Variants in ITPR1 observed in about 807,000 individuals in gnomAD.
ITPR1 encodes inositol 1,4,5-trisphosphate-gated calcium channel ITPR1.
Under a neutral mutation model 318.4 loss-of-function variants are expected in ITPR1, and 96 were observed. That is an observed-to-expected ratio of 0.30 (90% confidence interval 0.26 to 0.36). ITPR1 has a LOEUF of 0.36. Ranked by LOEUF, ITPR1 falls within the 10% of genes least tolerant of loss-of-function variation. ITPR1 has a pLI of 1.00. For missense variants in ITPR1, 2,440 were observed against 3,460.2 expected, an observed-to-expected ratio of 0.71 and a Z score of 7.40; for synonymous variants, 1,312 against 1,289.9, an observed-to-expected ratio of 1.02 and a Z score of -0.37.
At chr3:4,667,628 G>A (rs1177874746) in intron 18 of ITPR1, 79 bp downstream of exon 18, 15 of 1,363,832 alleles carry the variant, frequency 1.1e-5, no homozygotes, top group African/African-American at 5.8e-5. Context: ...TTTTTACTAC[G>A]TTTCCTTGTG....
intron 40 of ITPR1, among the ~76,000 whole-genome samples, chr3:4,725,303 A>G (rs1188420042): frequency 6.6e-6 from 1 of 151,462 alleles, no homozygotes; most frequent in East Asian, 1.9e-4. Context: ...TTTCTTTCTT[A>G]TCTTAAATGT....
At position 4,733,144 on chromosome 3, in the gene ITPR1, G is replaced by C. The variant is rs368425885; in HGVS notation, c.5277G>C (p.Ser1759=). ...GTTACTATGGAAACGTCAGACCTTC[G>C]GGACGAAGAGAGAGCCTTACCAGCT... ...VNRYYGNVRP[S]GRRESLTSFG... The change falls in exon 43 of 62, where the codon TCG becomes TCC. Residue 1759 remains serine (S), a synonymous_variant. Coordinates refer to ENST00000649015, the MANE Select transcript of ITPR1 (RefSeq NM_001378452.1). 7.4e-6 allele frequency: 12 copies of C among 1,613,758 alleles called. No individual in the cohort carries two copies. The East Asian group carries it at 1.3e-4, about 18-fold the overall frequency.
At chr3:4,585,172 C>A (rs2089763929) in intron 4 of ITPR1, among the ~76,000 whole-genome samples, 1 of 152,138 alleles carries the variant, frequency 6.6e-6, no homozygotes, top group South Asian at 2.1e-4. Context: ...AAATAGCTAG[C>A]AAATTTGTGA....
intron 59 of ITPR1, among the ~76,000 whole-genome samples, chr3:4,817,703 T>G (rs1294374584): frequency 6.6e-6 from 1 of 152,246 alleles, no homozygotes; most frequent in Non-Finnish European, 1.5e-5. Flanking sequence ...GGCATTTACC[T>G]GGGCGAAGGG....
At chr3:4,603,049 A>G (rs2091418165) in intron 4 of ITPR1, among the ~76,000 whole-genome samples, 1 of 152,112 alleles carries the variant, frequency 6.6e-6, no homozygotes, top group South Asian at 2.1e-4. Context: ...TACTGGTAAC[A>G]AAATATATGC....
At chr3:4,774,403 A>G (rs1575199748) in intron 46 of ITPR1, among the ~76,000 whole-genome samples, 1 of 152,264 alleles carries the variant, frequency 6.6e-6, no homozygotes, top group Non-Finnish European at 1.5e-5. Context: ...GTCAAAGATC[A>G]TGTCCATTTA....
At chr3:4,714,033 A>G (rs1227885429) in intron 39 of ITPR1, among the ~76,000 whole-genome samples, 1 of 152,180 alleles carries the variant, frequency 6.6e-6, no homozygotes, top group East Asian at 1.9e-4. Flanking sequence ...AAAGAGAGAG[A>G]AGGAGAACAA....
chr3:4,580,788 A>G (rs1391415649), intron 4 of ITPR1, among the ~76,000 whole-genome samples: 1 of 152,220 alleles, frequency 6.6e-6, no homozygotes, highest in Admixed American at 6.5e-5. Flanking sequence ...CAAACCTGCC[A>G]GTCACTGAAT....
rs181026640 is a variant in ITPR1, at chr3:4,585,197, A to G, written c.164-42566A>G. Among the ~76,000 whole-genome samples, 199 of 152,346 alleles carry G rather than the reference A, an allele frequency of 1.3e-3. 1 individual carries two copies. The highest frequency in any genetic ancestry group is 2.3e-3 in the Non-Finnish European group (158 of 68,038). Reference sequence around the variant, plus strand: ...CAAATTTGTGAAAATTCAAAGCAATATGCTAGGTATGTTATGAACCTATTT... The same window carrying G: ...CAAATTTGTGAAAATTCAAAGCAATGTGCTAGGTATGTTATGAACCTATTT... On this transcript the variant is annotated intron_variant, in intron 4 of 61. Transcript: ENST00000649015.
At chr3:4,721,692 G>A (rs977382551) in intron 40 of ITPR1, among the ~76,000 whole-genome samples, 1 of 152,088 alleles carries the variant, frequency 6.6e-6, no homozygotes, top group Admixed American at 6.5e-5. Flanking sequence ...AATTGCATTC[G>A]GTTTCTATCA....
intron 51 of ITPR1, 110 bp from the exon 52 acceptor site, chr3:4,787,837 G>T (rs1322492559): frequency 1.1e-5 from 8 of 698,776 alleles, no homozygotes; most frequent in African/African-American, 1.9e-5. Context: ...TATAAAATCA[G>T]AGATCATATT....
chr3:4,830,165 A>G (rs1471219705), intron 60 of ITPR1, among the ~76,000 whole-genome samples: 4 of 151,518 alleles, frequency 2.6e-5, no homozygotes, highest in Admixed American at 6.6e-5. Flanking sequence ...TAGTAGAGAC[A>G]GGGTTTCACT....
At chr3:4,653,694 C>T (rs1425623590) in intron 11 of ITPR1, 148 bp from the exon 12 acceptor site, 7 of 610,084 alleles carry the variant, frequency 1.1e-5, no homozygotes, top group African/African-American at 1.8e-5. Flanking sequence ...GTATCATTGT[C>T]GTGGCATGCT....
chr3:4,541,380 G>A (rs958707951), intron 4 of ITPR1, among the ~76,000 whole-genome samples: 2 of 151,926 alleles, frequency 1.3e-5, no homozygotes, highest in Admixed American at 1.3e-4. Context: ...AGATTGATGG[G>A]TACTTTCTGT....
chr3:4,673,617 C>G (rs969109056), intron 21 of ITPR1, among the ~76,000 whole-genome samples: 2 of 152,170 alleles, frequency 1.3e-5, no homozygotes, highest in Non-Finnish European at 2.9e-5. Context: ...GAGTCTCACT[C>G]TGTTGCCCAG....
At chr3:4,769,008 C>T (rs2046009755) in intron 46 of ITPR1, among the ~76,000 whole-genome samples, 1 of 151,464 alleles carries the variant, frequency 6.6e-6, no homozygotes, top group African/African-American at 2.4e-5. Flanking sequence ...CTCTTGGGTT[C>T]AAGCGATTCT....
At chr3:4,794,154 A>G (rs893556143) in intron 52 of ITPR1, among the ~76,000 whole-genome samples, 9 of 152,216 alleles carry the variant, frequency 5.9e-5, no homozygotes, top group Non-Finnish European at 1.2e-4. Flanking sequence ...AATTATGCCT[A>G]CCATGTCTAT....
chr3:4,679,658 T>C (rs1356265331), intron 24 of ITPR1, among the ~76,000 whole-genome samples: 1 of 152,210 alleles, frequency 6.6e-6, no homozygotes, highest in African/African-American at 2.4e-5. Context: ...GGAAACCCCC[T>C]CATAGATTTA....
chr3:4,831,117 T>TCC (rs2050457782), intron 60 of ITPR1: 1 of 292,442 alleles, frequency 3.4e-6, no homozygotes, highest in African/African-American at 6.5e-5. Context: ...TCTCTCTCTC[T>TCC]CTCTCTCTCT....
Sources: gnomAD v4.1 joint callset for allele counts (sites outside exome capture counted in the v4.1 genomes callset) on GRCh38, gnomAD v4.1.1 for gene constraint, MANE v1.5 for transcripts, NCBI Gene and HGNC (gene_info 2026-07-23, HGNC 2026-07-21) for gene names.